Variants in SLC45A2 observed in about 807,000 individuals in gnomAD.
SLC45A2 encodes membrane-associated transporter protein.
A neutral mutation model predicts 45.5 loss-of-function variants in SLC45A2; 36 were observed. The observed-to-expected ratio is 0.79, with a 90% CI of 0.61 to 1.04. SLC45A2 has a LOEUF of 1.04. Ranked by LOEUF, SLC45A2 falls within the 50% of genes least tolerant of loss-of-function variation. The pLI is 0.00. For missense variants in SLC45A2, 719 were observed against 671.0 expected, an observed-to-expected ratio of 1.07 and a Z score of -0.79; for synonymous variants, 306 against 269.3, an observed-to-expected ratio of 1.14 and a Z score of -1.33.
At chr5:33,984,129 C>T (rs1753164180) in intron 1 of SLC45A2, 70 bp downstream of exon 1, 5 of 1,598,604 alleles carry the variant, frequency 3.1e-6, no homozygotes, top group Non-Finnish European at 4.3e-6. Flanking sequence ...AACACATGAA[C>T]ATCCTCCTCC....
intron 2 of SLC45A2, 34 bp from the exon 3 acceptor site, chr5:33,964,050 A>C: frequency 6.2e-7 from 1 of 1,606,504 alleles, no homozygotes; most frequent in Non-Finnish European, 8.5e-7. Flanking sequence ...TAGCATATTT[A>C]GCAAATTATC....
intron 6 of SLC45A2, among the ~76,000 whole-genome samples, chr5:33,945,672 G>A (rs976313843): frequency 6.6e-6 from 1 of 150,964 alleles, no homozygotes; most frequent in Non-Finnish European, 1.5e-5. Context: ...GTGCTAGGGG[G>A]CACTATGCTA....
chr5:33,955,702 G>T (rs1288453024), intron 3 of SLC45A2, among the ~76,000 whole-genome samples: 1 of 151,954 alleles, frequency 6.6e-6, no homozygotes, highest in Non-Finnish European at 1.5e-5. Flanking sequence ...AATGGAAAAT[G>T]CATATTATGA....
chr5:33,965,171 GTC>G (rs1752571999), intron 2 of SLC45A2, among the ~76,000 whole-genome samples: 2 of 152,084 alleles, frequency 1.3e-5, no homozygotes, highest in African/African-American at 2.4e-5. Context: ...TATGAGTGAA[GTC>G]TCTATTTTAT....
chr5:33,959,454 T>C (rs1411847859), intron 3 of SLC45A2, among the ~76,000 whole-genome samples: 2 of 152,136 alleles, frequency 1.3e-5, no homozygotes, highest in Non-Finnish European at 2.9e-5. Context: ...GGCAGCCTGG[T>C]GTAGGGAAAG....
intron 6 of SLC45A2, 66 bp from the exon 7 acceptor site, chr5:33,944,938 A>C (rs1363634391): frequency 6.6e-7 from 1 of 1,509,048 alleles, no homozygotes; most frequent in Non-Finnish European, 9.0e-7. Flanking sequence ...ACAGGTCAGC[A>C]AAATTTTTCT....
At chr5:33,960,991 A>G (rs1397059731) in intron 3 of SLC45A2, among the ~76,000 whole-genome samples, 2 of 152,202 alleles carry the variant, frequency 1.3e-5, no homozygotes, top group Non-Finnish European at 2.9e-5. Flanking sequence ...AAAGCAAAAT[A>G]ACACATAGGC....
At chr5:33,969,031 A>G (rs993400356) in intron 2 of SLC45A2, among the ~76,000 whole-genome samples, 8 of 70,068 alleles carry the variant, frequency 1.1e-4, no homozygotes. Flanking sequence ...GACAGTTAAC[A>G]TAAGTACCAG....
At chr5:33,974,571 C>T (rs16892049) in intron 2 of SLC45A2, among the ~76,000 whole-genome samples, 7,542 of 152,140 alleles carry the variant, frequency 0.05, 620 homozygotes, top group African/African-American at 0.17. Context: ...TGCCGGAAAA[C>T]GTTTGCTTCA....
Position 33,969,065 on chromosome 5 carries a change from C to CTCTCTCTCTCTCTCTCTGTGTGTGTG in SLC45A2, c.563-5050_563-5049insCACACACACAGAGAGAGAGAGAGAGA. Among the ~76,000 whole-genome samples, 17 of 102,460 alleles carry CTCTCTCTCTCTCTCTCTGTGTGTGTG rather than the reference C, an allele frequency of 1.7e-4. 1 individual carries two copies. Among genetic ancestry groups the CTCTCTCTCTCTCTCTCTGTGTGTGTG allele is most frequent in the Non-Finnish European group, 2.4e-4 (12 of 49,648 alleles). The allele number at this position is 102,460 out of a possible 152,430, so 67.2% of individuals were successfully genotyped here. A position where few individuals can be genotyped will look rare whatever the true frequency, so the allele number is the denominator to read the frequency against. ...AGCTACTCTCTCTCTCTCTCTCTCT[C>CTCTCTCTCTCTCTCTCTGTGTGTGTG]TGTGTGTGTGTGTGTGTGTGTGTGT... On this transcript the variant is annotated intron_variant, in intron 2 of 6. Transcript: ENST00000296589.
rs779099623 is a variant in SLC45A2, at chr5:33,984,397, C to T, written c.187G>A (p.Val63Ile). 3 of 1,613,450 alleles carry T rather than the reference C, an allele frequency of 1.9e-6. No homozygotes were observed. The highest frequency in any genetic ancestry group is 2.2e-5 in the East Asian group (1 of 44,866). The change falls in exon 1 of 7, where the codon GTA (valine) becomes ATA (isoleucine). Residue 63 changes from valine (V) to isoleucine (I), a missense_variant. Coordinates refer to ENST00000296589, the MANE Select transcript of SLC45A2 (RefSeq NM_016180.5). ...CTGTACAGGCTGCTGGGCAGACCTA[C>T]GCTGAGCAGGACTGGGGTCACATAC... The part of the protein sequence containing the change: ...AAYVTPVLLS[V>I]GLPSSLYSIV...
intron 2 of SLC45A2, among the ~76,000 whole-genome samples, chr5:33,978,472 T>G (rs906131679): frequency 6.6e-6 from 1 of 152,122 alleles, no homozygotes; most frequent in African/African-American, 2.4e-5. Context: ...AAAGAGACAT[T>G]TACCATCTAT....
In SLC45A2 at chr5:33,963,914, G is replaced by C. The variant is rs1316525295; in HGVS notation, c.665C>G (p.Ser222Cys). The change falls in exon 3 of 7, where the codon TCT becomes TGT. Residue 222 changes from serine (S) to cysteine (C), a missense_variant. Ser to Cys is a moderately radical substitution (Grantham distance 112). Transcript: ENST00000296589. ...AAAACACAAAGTGAGCACCAATGCAGAGAAGAAGAACATGACCTGGAATTC... is the reference window on the plus strand; with the variant it reads ...AAAACACAAAGTGAGCACCAATGCACAGAAGAAGAACATGACCTGGAATTC... ...GTEFQVMFFF[S>C]ALVLTLCFTV... 1.2e-6 allele frequency: 2 copies of C among 1,614,192 alleles called. No individual in the cohort carries two copies. Among genetic ancestry groups the C allele is most frequent in the East Asian group, 2.2e-5 (1 of 44,884 alleles).
rs1751951167 is a variant in SLC45A2, at chr5:33,947,058, A to G, written c.1368+105T>C. 12 of 1,611,634 alleles carry G rather than the reference A, an allele frequency of 7.4e-6. No individual in the cohort carries two copies. In the South Asian group the frequency reaches 1.3e-4, roughly 18 times the overall value. The stretch of plus-strand genomic sequence containing the variant: ...TGGGCATTTGACTGTTGCTGTTTCA[A>G]GAACCCTTATTTTCCAGCTCTGCTC... On this transcript the variant is annotated intron_variant, in intron 6 of 6. Coordinates refer to ENST00000296589, the MANE Select transcript of SLC45A2 (RefSeq NM_016180.5).
At position 33,963,803 on chromosome 5, in the gene SLC45A2, G is replaced by C; in HGVS notation, c.776C>G (p.Pro259Arg). Residue 259 changes from proline to arginine, a missense_variant, in exon 3 of 7, where the codon CCA becomes CGA. Pro to Arg is a moderately radical substitution (Grantham distance 103). Coordinates refer to ENST00000296589, the MANE Select transcript of SLC45A2 (RefSeq NM_016180.5). ...CTCGTACATTCCATCTGATGACAATGGAGGGTCCTGAGGGGTTTGCTGTGG... is the reference window on the plus strand; with the variant it reads ...CTCGTACATTCCATCTGATGACAATCGAGGGTCCTGAGGGGTTTGCTGTGG... ...IPPQQTPQDP[P>R]LSSDGMYEYG... is the part of the protein sequence containing the mutation. The C allele has an allele frequency of 6.2e-7, 1 of 1,614,128 alleles. No individual in the cohort carries two copies. The highest frequency in any genetic ancestry group is 1.7e-5 in the Admixed American group (1 of 60,016).
At position 33,975,982 on chromosome 5, in the gene SLC45A2, T is replaced by C. The variant is rs3776546; in HGVS notation, c.562+6254A>G. ...CAATTGTCTTGCATCCAGGAGGCAA[T>C]ACATCCTTAAAGCTGCCAAGGAAAC... On this transcript the variant is annotated intron_variant, in intron 2 of 6. Coordinates refer to ENST00000296589, the MANE Select transcript of SLC45A2 (RefSeq NM_016180.5). Among the ~76,000 whole-genome samples the C allele has an allele frequency of 1.1e-4, 16 of 152,136 alleles. No individual in the cohort carries two copies. In the South Asian group the frequency reaches 3.3e-3, roughly 32 times the overall value.
intron 1 of SLC45A2, 30 bp from the exon 2 acceptor site, chr5:33,982,442 A>T (rs187015805): frequency 1.2e-6 from 2 of 1,608,504 alleles, no homozygotes; most frequent in African/African-American, 2.7e-5. Flanking sequence ...TGGTCTCCTA[A>T]ATCCTGTTTT....
chr5:33,982,382 A>G lies in SLC45A2; in HGVS notation c.416T>C (p.Val139Ala). ...ALIANPRRKL[V>A]WAISVTMIGV... is the part of the protein sequence containing the mutation. Reference sequence around the variant, plus strand: ...TATCATGGTGACACTTATGGCCCAAACCAGCTTCCTCCTTGGGTTAGCAAT... The same window carrying G: ...TATCATGGTGACACTTATGGCCCAAGCCAGCTTCCTCCTTGGGTTAGCAAT... The change falls in exon 2 of 7, where the codon GTT (valine) becomes GCT (alanine). Residue 139 changes from valine to alanine, a missense_variant. By Grantham distance (64) the Val-to-Ala change is moderately conservative. Coordinates refer to ENST00000296589, the MANE Select transcript of SLC45A2 (RefSeq NM_016180.5). The G allele has an allele frequency of 1.2e-6, 2 of 1,614,222 alleles. No homozygotes were observed. The highest frequency in any genetic ancestry group is 8.5e-7 in the Non-Finnish European group (1 of 1,180,034).
intron 2 of SLC45A2, among the ~76,000 whole-genome samples, chr5:33,976,844 G>C (rs757318178): frequency 6.6e-6 from 1 of 152,210 alleles, no homozygotes; most frequent in Non-Finnish European, 1.5e-5. Flanking sequence ...GGAAGAGAGA[G>C]AAAAGCATGT....
Sources: allele counts gnomAD v4.1 joint callset (sites outside exome capture counted in the v4.1 genomes callset), GRCh38; gene constraint gnomAD v4.1.1; transcripts MANE v1.5; gene names NCBI Gene and HGNC (gene_info 2026-07-23, HGNC 2026-07-21).